Variants in ARMC2 observed in about 807,000 individuals in gnomAD.
The protein encoded by ARMC2 is armadillo repeat containing 2.
ARMC2 carries 67 observed loss-of-function variants against 90.3 expected under a neutral mutation model. The ratio of observed to expected loss-of-function variants is 0.74; its 90% CI spans 0.61 to 0.91. The LOEUF (loss-of-function observed/expected upper bound fraction) is 0.91, where lower values mean the gene tolerates loss of function less well. ARMC2 is among the 40% of genes least tolerant of loss of function. ARMC2 has a pLI of 0.00. For missense variants in ARMC2, 920 were observed against 1,030.9 expected (o/e 0.89, Z 1.47); for synonymous variants, 393 against 393.0 (o/e 1.00, Z 0.00).
the ARMC2 span, among the ~76,000 whole-genome samples, chr6:108,989,127 C>T: frequency 4.6e-5 from 7 of 152,016 alleles, no homozygotes; most frequent in South Asian, 2.1e-4. Context: ...CTCAGCCTCC[C>T]GAGAAGCTAG....
At chr6:108,922,640 T>TC (rs1774700313) in intron 10 of ARMC2, among the ~76,000 whole-genome samples, 1 of 152,240 alleles carries the variant, frequency 6.6e-6, no homozygotes, top group African/African-American at 2.4e-5. Context: ...GTACATTTTT[T>TC]CCCTTTAAAA....
At chr6:108,981,750 C>T in the ARMC2 span, among the ~76,000 whole-genome samples, 1 of 152,028 alleles carries the variant, frequency 6.6e-6, no homozygotes, top group African/African-American at 2.4e-5. Flanking sequence ...TCACTGCAAC[C>T]TCCGCTTCCC....
chr6:108,857,795 G>C (rs577781788), intron 2 of ARMC2, among the ~76,000 whole-genome samples: 3 of 152,198 alleles, frequency 2.0e-5, no homozygotes, highest in Admixed American at 2.0e-4. Flanking sequence ...TGGTGTGATA[G>C]ATTACATTGA....
chr6:108,970,471 TTCTTTTCTTTTTCTTC>T (rs1418716300), intron 17 of ARMC2, among the ~76,000 whole-genome samples: 10 of 151,258 alleles, frequency 6.6e-5, no homozygotes, highest in African/African-American at 2.2e-4. Context: ...TTTTCTTTCT[TTCTTTTCTTTTTCTTC>T]TCTTTTCTTT....
At chr6:108,988,164 C>T in the ARMC2 span, among the ~76,000 whole-genome samples, 367 of 152,256 alleles carry the variant, frequency 2.4e-3, 1 homozygote, top group African/African-American at 8.4e-3. Context: ...TGTTACATGT[C>T]AGAAAATCTA....
chr6:109,043,548 C>T, the ARMC2 span, among the ~76,000 whole-genome samples: 1 of 152,030 alleles, frequency 6.6e-6, no homozygotes. Flanking sequence ...AGTTAATATA[C>T]AAGAGTGAAT....
chr6:108,882,280 CA>C (rs978302053), intron 5 of ARMC2, among the ~76,000 whole-genome samples: 4 of 150,434 alleles, frequency 2.7e-5, no homozygotes, highest in South Asian at 2.1e-4. Context: ...ACTAAAAATA[CA>C]AAAAAAAATT....
At chr6:108,890,397 G>A (rs1770887458) in intron 5 of ARMC2, among the ~76,000 whole-genome samples, 1 of 151,916 alleles carries the variant, frequency 6.6e-6, no homozygotes, top group African/African-American at 2.4e-5. Flanking sequence ...GTGTCAGTCA[G>A]TGTACTAAGC....
the ARMC2 span, among the ~76,000 whole-genome samples, chr6:108,996,657 T>C: frequency 6.6e-6 from 1 of 152,176 alleles, no homozygotes; most frequent in Admixed American, 6.5e-5. Context: ...TGGCATTTCA[T>C]TTTAATATTA....
the ARMC2 span, among the ~76,000 whole-genome samples, chr6:109,039,616 C>T: frequency 6.6e-6 from 1 of 152,178 alleles, no homozygotes; most frequent in Non-Finnish European, 1.5e-5. Context: ...GGTCATAGTC[C>T]CATCACTGGG....
At chr6:108,886,906 T>G (rs1770415205) in intron 5 of ARMC2, among the ~76,000 whole-genome samples, 1 of 144,548 alleles carries the variant, frequency 6.9e-6, no homozygotes, top group Non-Finnish European at 1.6e-5. Flanking sequence ...TTGTTTGTTT[T>G]GTTTTTTTTT....
chr6:109,019,733 A>G, the ARMC2 span, among the ~76,000 whole-genome samples: 1 of 152,246 alleles, frequency 6.6e-6, no homozygotes, highest in Non-Finnish European at 1.5e-5. Context: ...ATTAACAAAG[A>G]TATTATTGAT....
intron 5 of ARMC2, among the ~76,000 whole-genome samples, chr6:108,884,947 T>C (rs1777936271): frequency 6.6e-6 from 1 of 152,156 alleles, no homozygotes. Context: ...AGTAGCATGC[T>C]GCAGAAGAGG....
At chr6:108,989,464 T>C in the ARMC2 span, among the ~76,000 whole-genome samples, 1 of 144,216 alleles carries the variant, frequency 6.9e-6, no homozygotes, top group Non-Finnish European at 1.6e-5. Flanking sequence ...TATCTAGAGA[T>C]ATAGAAATAT....
chr6:108,912,263 A>T (rs1393568581), intron 9 of ARMC2, 72 bp from the exon 10 acceptor site: 2 of 1,097,106 alleles, frequency 1.8e-6, no homozygotes, highest in Non-Finnish European at 2.6e-6. Flanking sequence ...TTATGTTCAC[A>T]CACAAGTGCT....
chr6:108,863,439 A>G (rs1775489128), intron 3 of ARMC2, among the ~76,000 whole-genome samples: 1 of 152,152 alleles, frequency 6.6e-6, no homozygotes, highest in Non-Finnish European at 1.5e-5. Flanking sequence ...GTGCCAGTTT[A>G]CGTCTTTTTT....
chr6:108,940,783 A>T (rs1391672621), intron 12 of ARMC2, among the ~76,000 whole-genome samples: 1 of 152,138 alleles, frequency 6.6e-6, no homozygotes, highest in Non-Finnish European at 1.5e-5. Flanking sequence ...GGAAAACCTT[A>T]CCGAGGACCT....
chr6:108,915,436 C>CT (rs1352023945), intron 10 of ARMC2, among the ~76,000 whole-genome samples: 1 of 152,086 alleles, frequency 6.6e-6, no homozygotes, highest in African/African-American at 2.4e-5. Flanking sequence ...CCCCAAGAAC[C>CT]TCAGGAGCTT....
intron 13 of ARMC2, among the ~76,000 whole-genome samples, chr6:108,956,469 G>A (rs1369199467): frequency 1.3e-5 from 2 of 151,778 alleles, no homozygotes; most frequent in Non-Finnish European, 2.9e-5. Flanking sequence ...AGCCAAGGCA[G>A]GCAGATTGCT....
Sources: allele counts gnomAD v4.1 joint callset (sites outside exome capture counted in the v4.1 genomes callset), GRCh38; gene constraint gnomAD v4.1.1; transcripts MANE v1.5; gene names NCBI Gene and HGNC (gene_info 2026-07-23, HGNC 2026-07-21).